Variants in MGAT4C observed in about 807,000 individuals in gnomAD.
The protein encoded by MGAT4C is alpha-1,3-mannosyl-glycoprotein 4-beta-N-acetylglucosaminyltransferase C.
In MGAT4C, 19 loss-of-function variants were observed where a neutral mutation model predicts 40.1. The observed-to-expected ratio is 0.47, with a 90% CI of 0.33 to 0.70. The LOEUF (loss-of-function observed/expected upper bound fraction) is 0.70. MGAT4C is among the 30% of genes least tolerant of loss of function. The probability of loss-of-function intolerance (pLI) is 0.02; values close to 1 mark genes in which losing one functional copy is unlikely to be tolerated. For synonymous variants in MGAT4C, 181 were observed against 187.1 expected (o/e 0.97, Z 0.27); for missense variants, 491 against 563.2 (o/e 0.87, Z 1.30).
chr12:86,460,232 G>C (rs1957577900), intron 2 of MGAT4C, among the ~76,000 whole-genome samples: 2 of 152,134 alleles, frequency 1.3e-5, no homozygotes, highest in African/African-American at 4.8e-5. Flanking sequence ...TAAAACAGCT[G>C]AGTTTGTGTG....
intron 1 of MGAT4C, among the ~76,000 whole-genome samples, chr12:86,769,758 C>T (rs1004246971): frequency 5.3e-5 from 8 of 151,934 alleles, no homozygotes; most frequent in African/African-American, 9.7e-5. Flanking sequence ...AGTAAACTAT[C>T]GCAAGGACAA....
At chr12:86,431,473 A>G (rs1957037880) in intron 3 of MGAT4C, among the ~76,000 whole-genome samples, 1 of 152,074 alleles carries the variant, frequency 6.6e-6, no homozygotes, top group Non-Finnish European at 1.5e-5. Context: ...CTTGACCCCA[A>G]ATCTCCCTTG....
At chr12:86,003,542 T>C (rs1484283080) in intron 2 of MGAT4C, among the ~76,000 whole-genome samples, 1 of 152,194 alleles carries the variant, frequency 6.6e-6, no homozygotes, top group Non-Finnish European at 1.5e-5. Context: ...CCTAACATGA[T>C]GATGTTAACT....
At chr12:86,437,912 T>A (rs1417846943) in intron 2 of MGAT4C, among the ~76,000 whole-genome samples, 1 of 151,886 alleles carries the variant, frequency 6.6e-6, no homozygotes, top group Non-Finnish European at 1.5e-5. Context: ...TACTAGAGAC[T>A]CCCTGTTCCC....
Position 86,594,988 on chromosome 12 carries a change from C to A in MGAT4C, c.-229+132221G>T, listed in dbSNP as rs1593024263. ...TGTTCTACACACACGGTCCTCAGAGCCCCGTATTATGGGGTCATCATTAAG... is the reference window on the plus strand; with the variant it reads ...TGTTCTACACACACGGTCCTCAGAGACCCGTATTATGGGGTCATCATTAAG... On this transcript the variant is annotated intron_variant, in intron 2 of 7. Transcript: ENST00000548651. 2.6e-5 allele frequency among the ~76,000 whole-genome samples: 4 copies of A among 152,210 alleles called. No homozygotes were observed. In the East Asian group the frequency reaches 5.8e-4, roughly 22 times the overall value.
At chr12:86,294,847 T>A (rs1398385297) in intron 4 of MGAT4C, among the ~76,000 whole-genome samples, 1 of 152,196 alleles carries the variant, frequency 6.6e-6, no homozygotes, top group East Asian at 1.9e-4. Flanking sequence ...TCACCTACAT[T>A]TGCTCCCACC....
In MGAT4C at chr12:85,971,070, G is replaced by A. The variant is rs1392824747; in HGVS notation, c.*8219C>T. The A allele has an allele frequency of 6.6e-6, 1 of 150,994 alleles. No individual in the cohort carries two copies. Among genetic ancestry groups the A allele is most frequent in the Non-Finnish European group, 1.5e-5 (1 of 67,284 alleles). 9.4% of individuals were successfully genotyped at this position (150,994 alleles called of 1,614,324 possible). Reference sequence around the variant, plus strand: ...AACAATGGTTATTCAATTTACTGATGAAAATCAGAAGAATGTTGAAAAATT... The same window carrying A: ...AACAATGGTTATTCAATTTACTGATAAAAATCAGAAGAATGTTGAAAAATT... On this transcript the variant is annotated 3_prime_UTR_variant, in exon 5 of 5. Transcript: ENST00000611864.
At chr12:86,174,944 T>G (rs1212749891) in intron 1 of MGAT4C, among the ~76,000 whole-genome samples, 1 of 152,144 alleles carries the variant, frequency 6.6e-6, no homozygotes, top group East Asian at 1.9e-4. Context: ...TAATAATCAC[T>G]TTCATTTGTC....
intron 1 of MGAT4C, among the ~76,000 whole-genome samples, chr12:86,143,716 T>C (rs893374394): frequency 3.9e-5 from 6 of 152,132 alleles, no homozygotes; most frequent in Non-Finnish European, 8.8e-5. Context: ...AAAACACAGA[T>C]ACTTGAAAAC....
intron 1 of MGAT4C, among the ~76,000 whole-genome samples, chr12:86,779,838 A>G (rs1031381079): frequency 2.6e-5 from 4 of 152,022 alleles, no homozygotes; most frequent in African/African-American, 7.2e-5. Flanking sequence ...GCGTGAACCC[A>G]GGAGGTGGAG....
chr12:86,233,908 T>C (rs956826), intron 1 of MGAT4C, among the ~76,000 whole-genome samples: 1 of 152,148 alleles, frequency 6.6e-6, no homozygotes, highest in Non-Finnish European at 1.5e-5. Context: ...GAAAAGTTTG[T>C]GATTTATTTT....
intron 3 of MGAT4C, among the ~76,000 whole-genome samples, chr12:86,386,388 C>A (rs1956052338): frequency 6.6e-6 from 1 of 152,086 alleles, no homozygotes; most frequent in Non-Finnish European, 1.5e-5. Context: ...AAAAATGGGG[C>A]CTGCCTCTGA....
chr12:86,013,820 T>G (rs1055600233), intron 2 of MGAT4C: 1 of 856,542 alleles, frequency 1.2e-6, no homozygotes, highest in African/African-American at 1.8e-5. Context: ...CTCCCATAAA[T>G]ATTATCATTT....
At chr12:86,585,733 T>TC (rs1416156213) in intron 2 of MGAT4C, among the ~76,000 whole-genome samples, 2 of 147,498 alleles carry the variant, frequency 1.4e-5, no homozygotes, top group Admixed American at 6.8e-5. Context: ...TTATTTTTTT[T>TC]AATTTTTTTT....
intron 3 of MGAT4C, among the ~76,000 whole-genome samples, chr12:86,371,333 T>C (rs1955710524): frequency 6.6e-6 from 1 of 151,980 alleles, no homozygotes; most frequent in African/African-American, 2.4e-5. Flanking sequence ...CACTTAAACT[T>C]TTGTAATTAC....
At chr12:85,995,274 T>A (rs1886478743) in intron 2 of MGAT4C, among the ~76,000 whole-genome samples, 2 of 152,020 alleles carry the variant, frequency 1.3e-5, no homozygotes, top group African/African-American at 4.8e-5. Flanking sequence ...GAGACAGAAA[T>A]AATAATTTGG....
intron 4 of MGAT4C, among the ~76,000 whole-genome samples, chr12:86,333,321 T>C (rs1423123002): frequency 1.3e-5 from 2 of 152,196 alleles, no homozygotes; most frequent in African/African-American, 4.8e-5. Context: ...TGGTATAAAG[T>C]GAAAACTATC....
chr12:86,447,118 TTTTG>T (rs796108484), intron 2 of MGAT4C, among the ~76,000 whole-genome samples: 19 of 152,052 alleles, frequency 1.2e-4, no homozygotes, highest in Admixed American at 2.0e-4. Context: ...GCAGCATTCT[TTTTG>T]TTTGTTTGTT....
intron 1 of MGAT4C, among the ~76,000 whole-genome samples, chr12:86,748,383 T>G (rs1951184827): frequency 2.0e-5 from 3 of 151,722 alleles, no homozygotes; most frequent in African/African-American, 7.2e-5. Context: ...GAGCCAGAAA[T>G]TAAACATTTT....
Sources: gnomAD v4.1 joint callset for allele counts (sites outside exome capture counted in the v4.1 genomes callset) on GRCh38, gnomAD v4.1.1 for gene constraint, MANE v1.5 for transcripts, NCBI Gene and HGNC (gene_info 2026-07-23, HGNC 2026-07-21) for gene names.